STPG2: variants seen among roughly 807,000 people sequenced by gnomAD.
STPG2 encodes the protein sperm tail PG-rich repeat containing 2.
A neutral mutation model predicts 54.2 loss-of-function variants in STPG2; 56 were observed. That is an observed-to-expected ratio of 1.03 (90% CI 0.83 to 1.29). The LOEUF is 1.29. STPG2 is among the 50% of genes most tolerant of loss of function. The probability of loss-of-function intolerance (pLI) is 0.00; values close to 1 mark genes in which losing one functional copy is unlikely to be tolerated. For synonymous variants in STPG2, 200 were observed against 181.8 expected (o/e 1.10, Z -0.81); for missense variants, 596 against 544.9 (o/e 1.09, Z -0.93).
At chr4:97,569,567 A>C (rs1368632432) in intron 10 of STPG2, among the ~76,000 whole-genome samples, 1 of 152,196 alleles carries the variant, frequency 6.6e-6, no homozygotes, top group Non-Finnish European at 1.5e-5. Context: ...AATCAACTGA[A>C]TATAACAGAA....
intron 10 of STPG2, among the ~76,000 whole-genome samples, chr4:97,592,123 C>A (rs1733160670): frequency 6.6e-6 from 1 of 152,068 alleles, no homozygotes. Context: ...AAATCGCCAT[C>A]TTAATAAATA....
rs3047345 is a variant in STPG2 at position 97,981,833 on chromosome 4, TTATA to T, written c.613-519_613-516del. 3.8e-3 allele frequency among the ~76,000 whole-genome samples: 548 copies of T among 143,366 alleles called. 2 individuals are homozygous for T. The highest frequency in any genetic ancestry group is 0.011 in the African/African-American group (425 of 39,106). 94.1% of individuals were successfully genotyped at this position (143,366 alleles called of 152,430 possible). On this transcript the variant is annotated intron_variant, in intron 5 of 10. Transcript: ENST00000295268. ...TATTAACATTATATATATAAAATGT[TTATA>T]TATATATATATATATATAACTATAA...
intron 5 of STPG2, among the ~76,000 whole-genome samples, chr4:97,997,375 G>A (rs541105768): frequency 3.4e-4 from 52 of 152,310 alleles, no homozygotes; most frequent in Non-Finnish European, 6.9e-4. Flanking sequence ...AGAAGGCAAA[G>A]GGGGAGTAGG....
At chr4:97,876,955 T>C (rs904118509) in intron 8 of STPG2, among the ~76,000 whole-genome samples, 5 of 152,118 alleles carry the variant, frequency 3.3e-5, no homozygotes, top group Non-Finnish European at 5.9e-5. Context: ...AATTTATTTT[T>C]ATTTATTTTA....
chr4:97,891,743 T>C (rs921185140), intron 8 of STPG2, among the ~76,000 whole-genome samples: 3 of 152,114 alleles, frequency 2.0e-5, no homozygotes, highest in Admixed American at 2.0e-4. Context: ...TCTTGTTTTT[T>C]GAAGAAGAGG....
chr4:97,907,502 A>T (rs1250640659), intron 8 of STPG2, among the ~76,000 whole-genome samples: 1 of 152,082 alleles, frequency 6.6e-6, no homozygotes, highest in Admixed American at 6.5e-5. Context: ...TTCTTCACAG[A>T]ATTGGAAAAA....
At chr4:97,917,425 C>G (rs1241845338) in intron 8 of STPG2, 1 of 152,070 alleles carries the variant, frequency 6.6e-6, no homozygotes, top group African/African-American at 2.4e-5. Context: ...GAGGGGCAAG[C>G]AAAAGATTTT....
At chr4:97,786,571 A>T (rs1726830352) in intron 9 of STPG2, among the ~76,000 whole-genome samples, 1 of 152,140 alleles carries the variant, frequency 6.6e-6, no homozygotes, top group East Asian at 1.9e-4. Flanking sequence ...ATTTTCAGAA[A>T]TAAACAACGC....
In STPG2 at chr4:97,642,624, T is replaced by A. The variant is rs188846902; in HGVS notation, c.1320+70075A>T. Reference sequence around the variant, plus strand: ...AGCATATAACTTGTTTTCATAAAGATCATGGTAAAATTTTAAGTTGTTTTA... The same window carrying A: ...AGCATATAACTTGTTTTCATAAAGAACATGGTAAAATTTTAAGTTGTTTTA... On this transcript the variant is annotated intron_variant, in intron 10 of 10. Coordinates refer to ENST00000295268, the MANE Select transcript of STPG2 (RefSeq NM_174952.3). Among the ~76,000 whole-genome samples the A allele has an allele frequency of 4.1e-3, 626 of 151,616 alleles. 3 individuals carry two copies. The highest frequency in any genetic ancestry group is 0.02 in the South Asian group (96 of 4,824).
intron 8 of STPG2, among the ~76,000 whole-genome samples, chr4:97,851,868 C>A (rs529220809): frequency 1.3e-5 from 2 of 152,112 alleles, no homozygotes; most frequent in African/African-American, 2.4e-5. Context: ...AAGTAAAATA[C>A]AAGAACAGAA....
chr4:97,974,773 CTCTT>C (rs2149259123), intron 6 of STPG2, among the ~76,000 whole-genome samples: 1 of 152,018 alleles, frequency 6.6e-6, no homozygotes, highest in African/African-American at 2.4e-5. Context: ...TCCATTAAAC[CTCTT>C]TCTTTTGTAA....
intron 10 of STPG2, among the ~76,000 whole-genome samples, chr4:97,701,870 G>A (rs1016890830): frequency 6.6e-6 from 1 of 152,084 alleles, no homozygotes; most frequent in Admixed American, 6.6e-5. Context: ...GCCACCACTT[G>A]GCCCCTGCCA....
At chr4:97,742,526 T>C (rs1348211328) in intron 9 of STPG2, among the ~76,000 whole-genome samples, 3 of 69,048 alleles carry the variant, frequency 4.3e-5, no homozygotes, top group Non-Finnish European at 9.1e-5. Context: ...AAACTGTGTG[T>C]GTGTGTGTGT....
intron 5 of STPG2, among the ~76,000 whole-genome samples, chr4:98,061,630 G>C (rs1482150712): frequency 6.6e-6 from 1 of 151,784 alleles, no homozygotes; most frequent in African/African-American, 2.4e-5. Context: ...TAAAAAGTGA[G>C]CAAAGTACAT....
In STPG2 at chr4:97,640,421, A is replaced by T. The variant is rs145020680; in HGVS notation, c.1320+72278T>A. On this transcript the variant is annotated intron_variant, in intron 10 of 10. Coordinates refer to ENST00000295268, the MANE Select transcript of STPG2 (RefSeq NM_174952.3). ...TAATTTACAAGCCAAAAATTGGTACAGAAAAGTGAACATTCTCTACAATAA... is the reference window on the plus strand; with the variant it reads ...TAATTTACAAGCCAAAAATTGGTACTGAAAAGTGAACATTCTCTACAATAA... 2.6e-4 allele frequency among the ~76,000 whole-genome samples: 40 copies of T among 152,166 alleles called. 1 individual carries two copies. Among genetic ancestry groups the T allele is most frequent in the Admixed American group, 2.6e-3 (40 of 15,258 alleles).
chr4:98,006,385 G>A (rs1274668600), intron 5 of STPG2, among the ~76,000 whole-genome samples: 1 of 152,196 alleles, frequency 6.6e-6, no homozygotes, highest in African/African-American at 2.4e-5. Flanking sequence ...GAGGCTGTGA[G>A]AAGTAAAGGC....
At chr4:97,986,186 A>G (rs943448543) in intron 5 of STPG2, among the ~76,000 whole-genome samples, 2 of 152,234 alleles carry the variant, frequency 1.3e-5, no homozygotes, top group African/African-American at 4.8e-5. Flanking sequence ...CTTAAGTACA[A>G]TAAAATCAAA....
chr4:98,040,045 A>T (rs1206423551), intron 5 of STPG2, among the ~76,000 whole-genome samples: 1 of 151,622 alleles, frequency 6.6e-6, no homozygotes, highest in Non-Finnish European at 1.5e-5. Flanking sequence ...ATCTCATTGT[A>T]GTTTTGATTT....
intron 10 of STPG2, among the ~76,000 whole-genome samples, chr4:97,656,629 C>T (rs755469030): frequency 1.3e-5 from 2 of 151,300 alleles, no homozygotes; most frequent in Non-Finnish European, 2.9e-5. Flanking sequence ...GTATTAACAG[C>T]TCATGTTACC....
Sources: allele counts gnomAD v4.1 joint callset (sites outside exome capture counted in the v4.1 genomes callset), GRCh38; gene constraint gnomAD v4.1.1; transcripts MANE v1.5; gene names NCBI Gene and HGNC (gene_info 2026-07-23, HGNC 2026-07-21).